The following TTF1 variants were observed in gnomAD, a reference collection of about 807,000 sequenced individuals.
TTF1 encodes the protein transcription termination factor 1.
In TTF1, 64 loss-of-function variants were observed where a neutral mutation model predicts 80.2. The observed-to-expected ratio is 0.80, with a 90% confidence interval of 0.65 to 0.98. The LOEUF is 0.98. Ranked by LOEUF, TTF1 falls within the 50% of genes least tolerant of loss-of-function variation. TTF1 has a pLI of 0.00. For synonymous variants in TTF1, 372 were observed against 382.7 expected, an observed-to-expected ratio of 0.97 and a Z score of 0.33; for missense variants, 1,023 against 1,086.2, an observed-to-expected ratio of 0.94 and a Z score of 0.82.
At position 132,392,140 on chromosome 9, in the gene TTF1, C is replaced by T. The variant is rs370191696; in HGVS notation, c.1923G>A (p.Thr641=). The change falls in exon 6 of 11, where the codon ACG becomes ACA. Residue 641 remains threonine, a synonymous_variant. Coordinates refer to ENST00000334270, the MANE Select transcript of TTF1 (RefSeq NM_007344.4). ...TACTTCGGGCCACCATCTCACCAAT[C>T]GTCTTCCAGTCATTCCCAAGGAGAG... ...YHSLLGNDWK[T]IGEMVARSSL... 1.4e-5 allele frequency: 23 copies of T among 1,614,048 alleles called. No homozygotes were observed. The highest frequency in any genetic ancestry group is 3.3e-4 in the Middle Eastern group (2 of 6,078).
chr9:132,405,966 C>T (rs1849858604), intron 1 of TTF1, among the ~76,000 whole-genome samples: 1 of 152,214 alleles, frequency 6.6e-6, no homozygotes, highest in Non-Finnish European at 1.5e-5. Context: ...TAGCCGGTCT[C>T]ATCTTTCTGG....
At chr9:132,399,794 C>G (rs909181404) in intron 3 of TTF1, among the ~76,000 whole-genome samples, 24 of 152,174 alleles carry the variant, frequency 1.6e-4, no homozygotes, top group African/African-American at 5.3e-4. Context: ...AATTAATTAT[C>G]TGGTCTCTTT....
At position 132,402,516 on chromosome 9, in the gene TTF1, A is replaced by G; in HGVS notation, c.306T>C (p.Val102=). Reference sequence around the variant, plus strand: ...TTTCTTTATCCACAAGGACAACTGTAACACCTGCTTCCTCGTCCACCTCCA... The same window carrying G: ...TTTCTTTATCCACAAGGACAACTGTGACACCTGCTTCCTCGTCCACCTCCA... ...SALEVDEEAG[V]TVVLVDKENI... Residue 102 remains valine (V), a synonymous_variant, in exon 2 of 11, where the codon GTT becomes GTC. Transcript: ENST00000334270. 1 of 1,614,228 alleles carries G rather than the reference A, an allele frequency of 6.2e-7. No individual in the cohort carries two copies.
chr9:132,386,289 A>G (rs1387106937), intron 9 of TTF1, among the ~76,000 whole-genome samples: 1 of 152,190 alleles, frequency 6.6e-6, no homozygotes, highest in African/African-American at 2.4e-5. Context: ...AAAATGAAAA[A>G]CATATCCAAC....
chr9:132,393,283 C>T (rs1040391638), intron 5 of TTF1, among the ~76,000 whole-genome samples: 1 of 138,990 alleles, frequency 7.2e-6, no homozygotes, highest in Non-Finnish European at 1.6e-5. Context: ...CCCCCGCAAA[C>T]TGGCCATAAA....
chr9:132,402,620 T>C lies in TTF1; in HGVS notation c.202A>G (p.Lys68Glu), dbSNP rs1428479590. 1 of 1,613,440 alleles carries C rather than the reference T, an allele frequency of 6.2e-7. No homozygotes were observed. Among genetic ancestry groups the C allele is most frequent in the South Asian group, 1.1e-5 (1 of 90,916 alleles). The stretch of plus-strand genomic sequence containing the variant: ...GTCTCATCACAGATTCTGGATTTTT[T>C]CAAAGGAGAAGAAATGAGATGCTGG... The part of the protein sequence containing the change: ...DFQHLISSPL[K>E]KSRICDETAN... Residue 68 changes from lysine to glutamate, a missense_variant, in exon 2 of 11, where the codon AAA becomes GAA. Transcript: ENST00000334270.
chr9:132,385,693 T>C (rs1331385287), intron 9 of TTF1, among the ~76,000 whole-genome samples: 1 of 152,328 alleles, frequency 6.6e-6, no homozygotes, highest in Non-Finnish European at 1.5e-5. Flanking sequence ...TTCTACTCTA[T>C]TTTTGTTTTC....
At chr9:132,376,209 C>T (rs1251622330) in intron 10 of TTF1, 41 bp from the exon 11 acceptor site, 1 of 1,579,638 alleles carries the variant, frequency 6.3e-7, no homozygotes, top group Non-Finnish European at 8.6e-7. Flanking sequence ...TCTGTCTGTA[C>T]AAGGCCTCTT....
chr9:132,395,901 A>C (rs572677802), intron 5 of TTF1, among the ~76,000 whole-genome samples: 1 of 152,340 alleles, frequency 6.6e-6, no homozygotes, highest in South Asian at 2.1e-4. Context: ...GTTTGTTTTT[A>C]AATGTGTTGG....
intron 9 of TTF1, among the ~76,000 whole-genome samples, chr9:132,385,936 G>C (rs1464199533): frequency 1.3e-5 from 2 of 152,162 alleles, no homozygotes; most frequent in African/African-American, 4.8e-5. Flanking sequence ...TTTGTTCAAT[G>C]CTGTATCCCC....
At chr9:132,390,928 T>C (rs895425377) in intron 6 of TTF1, 97 bp from the exon 7 acceptor site, 15 of 1,093,860 alleles carry the variant, frequency 1.4e-5, no homozygotes, top group Non-Finnish European at 2.0e-5. Flanking sequence ...TTTCAGAAAA[T>C]AATGTGCATC....
intron 5 of TTF1, 71 bp from the exon 6 acceptor site, chr9:132,392,277 T>C: frequency 6.4e-7 from 1 of 1,570,990 alleles, no homozygotes; most frequent in Non-Finnish European, 8.7e-7. Flanking sequence ...CTCATCCCAG[T>C]ACGCAGCAAT....
chr9:132,377,854 CATGTGGTG>C (rs1849252349), intron 10 of TTF1, among the ~76,000 whole-genome samples: 1 of 117,228 alleles, frequency 8.5e-6, no homozygotes, highest in African/African-American at 3.5e-5. Context: ...TGTGTGAATG[CATGTGGTG>C]TGAGTGCATG....
chr9:132,402,074 T>G lies in TTF1; in HGVS notation c.748A>C (p.Met250Leu), dbSNP rs751717792. Reference protein sequence around the residue: ...SQAGREAGTDMQESQPTVGLD... With the variant: ...SQAGREAGTDLQESQPTVGLD... ...CCCACAGTAGGCTGGGATTCCTGCA[T>G]ATCAGTCCCGGCCTCTCTGCCTGCT... The change falls in exon 2 of 11, where the codon ATG (methionine) becomes CTG (leucine). Residue 250 changes from methionine (M) to leucine (L), a missense_variant. By Grantham distance (15) the Met-to-Leu change is conservative (BLOSUM62 2). Coordinates refer to ENST00000334270, the MANE Select transcript of TTF1 (RefSeq NM_007344.4). 8.7e-6 allele frequency: 14 copies of G among 1,614,044 alleles called. No individual in the cohort carries two copies. Among genetic ancestry groups the G allele is most frequent in the Non-Finnish European group, 1.2e-5 (14 of 1,180,026 alleles).
At chr9:132,386,702 G>A in intron 8 of TTF1, 81 bp from the exon 9 acceptor site, 1 of 1,190,622 alleles carries the variant, frequency 8.4e-7, no homozygotes, top group Non-Finnish European at 1.2e-6. Context: ...AGTGCTGAGA[G>A]CTGGAAGGTA....
chr9:132,389,895 C>T (rs1644802944), intron 7 of TTF1, among the ~76,000 whole-genome samples: 1 of 152,214 alleles, frequency 6.6e-6, no homozygotes. Flanking sequence ...GCAGAAAGCA[C>T]ATTAGAAGGG....
chr9:132,401,914 A>G lies in TTF1; in HGVS notation c.908T>C (p.Val303Ala), dbSNP rs3739914. The change falls in exon 2 of 11, where the codon GTT becomes GCT. Residue 303 changes from valine to alanine, a missense_variant. Val to Ala is a moderately conservative substitution (Grantham distance 64). Coordinates refer to ENST00000334270, the MANE Select transcript of TTF1 (RefSeq NM_007344.4). ...MPEGSQVGSEVGADMQESRPA... is the reference protein window; with the variant it reads ...MPEGSQVGSEAGADMQESRPA... ...CCGGGATTCCTGCATATCAGCCCCA[A>G]CCTCACTGCCCACTTGTGATCCTTC... is the stretch of plus-strand genomic sequence containing the variant. 25,103 of 1,612,110 alleles carry G rather than the reference A, an allele frequency of 0.016. 1,506 individuals are homozygous for G. The East Asian group carries it at 0.23, about 15-fold the overall frequency.
At chr9:132,400,841 A>G (rs1021422992) in intron 2 of TTF1, among the ~76,000 whole-genome samples, 14 of 152,158 alleles carry the variant, frequency 9.2e-5, no homozygotes, top group Non-Finnish European at 8.8e-5. Context: ...TTGGGCTTTT[A>G]TATTTTTCAA....
intron 10 of TTF1, among the ~76,000 whole-genome samples, chr9:132,376,869 T>C (rs1416237086): frequency 1.3e-5 from 2 of 151,828 alleles, no homozygotes; most frequent in Non-Finnish European, 2.9e-5. Flanking sequence ...TTTGTAGAGA[T>C]AGGTGTGTGT....
Sources: allele counts gnomAD v4.1 joint callset (sites outside exome capture counted in the v4.1 genomes callset), GRCh38; gene constraint gnomAD v4.1.1; transcripts MANE v1.5; gene names NCBI Gene and HGNC (gene_info 2026-07-23, HGNC 2026-07-21).